ARHGEF37: variants seen among roughly 807,000 people sequenced by gnomAD.
ARHGEF37 encodes Rho guanine nucleotide exchange factor 37, also known as Rho guanine nucleotide exchange factor (GEF) 37.
A neutral mutation model predicts 71.1 loss-of-function variants in ARHGEF37; 55 were observed. That is an observed-to-expected ratio of 0.77 (90% CI 0.62 to 0.97). The LOEUF is 0.97. Among genes scored for constraint, ARHGEF37 ranks in the 50% least tolerant of loss-of-function variants. The pLI is 0.00. For missense variants in ARHGEF37, 765 were observed against 836.8 expected (o/e 0.91, Z 1.06); for synonymous variants, 327 against 350.6 (o/e 0.93, Z 0.75).
intron 10 of ARHGEF37, among the ~76,000 whole-genome samples, chr5:149,626,274 ACACACACACACACG>A (rs1182668040): frequency 6.7e-6 from 1 of 149,270 alleles, no homozygotes; most frequent in Non-Finnish European, 1.5e-5. Context: ...ACACACACAC[ACACACACACACACG>A]CCTCTCTCAA....
chr5:149,581,327 GC>G, upstream of ARHGEF37: 1 of 152,416 alleles, frequency 6.6e-6, no homozygotes, highest in Non-Finnish European at 1.5e-5. Context: ...CGGGTTGGCT[GC>G]CAGCCAGGGC....
intron 1 of ARHGEF37, among the ~76,000 whole-genome samples, chr5:149,588,343 C>T (rs893758107): frequency 6.6e-6 from 1 of 152,116 alleles, no homozygotes; most frequent in Non-Finnish European, 1.5e-5. Context: ...CCATGCCAGG[C>T]TGGAGTGCAG....
intron 10 of ARHGEF37, among the ~76,000 whole-genome samples, chr5:149,625,445 G>A (rs1752657525): frequency 6.6e-6 from 1 of 152,162 alleles, no homozygotes; most frequent in African/African-American, 2.4e-5. Context: ...GAGGGAGAAT[G>A]GGGCCCCAGG....
At chr5:149,629,046 T>C in intron 12 of ARHGEF37, 80 bp downstream of exon 12, 1 of 1,479,228 alleles carries the variant, frequency 6.8e-7, no homozygotes, top group South Asian at 1.3e-5. Context: ...TCTCTCAAAG[T>C]CTATGCCCCT....
intron 1 of ARHGEF37, among the ~76,000 whole-genome samples, chr5:149,560,312 C>T (rs764003803): frequency 2.8e-4 from 42 of 152,086 alleles, no homozygotes; most frequent in Non-Finnish European, 5.9e-4. Flanking sequence ...ACGAGGTTCT[C>T]CATGATGGTC....
At chr5:149,558,211 T>C (rs1256802856) in intron 1 of ARHGEF37, among the ~76,000 whole-genome samples, 1 of 151,896 alleles carries the variant, frequency 6.6e-6, no homozygotes, top group East Asian at 2.0e-4. Flanking sequence ...TTCTTAGAAA[T>C]AGAGACAGGG....
At chr5:149,622,512 A>G (rs1752576462) in intron 9 of ARHGEF37, among the ~76,000 whole-genome samples, 1 of 152,224 alleles carries the variant, frequency 6.6e-6, no homozygotes, top group Non-Finnish European at 1.5e-5. Context: ...CTCTCCATGC[A>G]TGATCTCATT....
intron 1 of ARHGEF37, among the ~76,000 whole-genome samples, chr5:149,558,497 C>T (rs1762782495): frequency 6.6e-6 from 1 of 152,140 alleles, no homozygotes; most frequent in African/African-American, 2.4e-5. Context: ...CAGAGCGAGA[C>T]TCAGTCCCCC....
chr5:149,618,615 C>G (rs1752445317), intron 6 of ARHGEF37, among the ~76,000 whole-genome samples: 1 of 152,244 alleles, frequency 6.6e-6, no homozygotes, highest in South Asian at 2.1e-4. Flanking sequence ...GGAGTGCCTG[C>G]TCTGAAACCA....
chr5:149,617,715 G>A (rs1172350919), intron 5 of ARHGEF37, among the ~76,000 whole-genome samples: 1 of 152,104 alleles, frequency 6.6e-6, no homozygotes, highest in African/African-American at 2.4e-5. Context: ...AGCAGCTTTG[G>A]ATTTCCTCCC....
At chr5:149,566,972 A>G (rs1762906543) in intron 1 of ARHGEF37, among the ~76,000 whole-genome samples, 1 of 152,236 alleles carries the variant, frequency 6.6e-6, no homozygotes, top group East Asian at 1.9e-4. Context: ...AAATCAAGGA[A>G]TTTAATGTTG....
chr5:149,608,650 G>T (rs975244741), intron 3 of ARHGEF37, among the ~76,000 whole-genome samples: 15 of 151,962 alleles, frequency 9.9e-5, no homozygotes, highest in Non-Finnish European at 1.6e-4. Context: ...GATTATAGGC[G>T]TGACCCACCA....
rs150883577 is a variant in ARHGEF37, at chr5:149,569,325, T to C, written c.-12+17202T>C. On this transcript the variant is annotated intron_variant, in intron 1 of 2. Transcript: ENST00000505810. ...TTTTATTTATTTATTTATTTATTTA[T>C]TTTTATTTTTGAGATGGAGGTCTTA... 5.6e-3 allele frequency among the ~76,000 whole-genome samples: 853 copies of C among 151,946 alleles called. 12 individuals carry two copies. Among genetic ancestry groups the C allele is most frequent in the African/African-American group, 0.019 (794 of 41,386 alleles).
At chr5:149,580,357 G>A (rs972424804), upstream of ARHGEF37, among the ~76,000 whole-genome samples, 2 of 152,040 alleles carry the variant, frequency 1.3e-5, no homozygotes, top group East Asian at 3.8e-4. Flanking sequence ...CACCGCGCCC[G>A]GCACCCTTGG....
intron 3 of ARHGEF37, among the ~76,000 whole-genome samples, chr5:149,606,964 G>A (rs1763930382): frequency 6.6e-6 from 1 of 152,184 alleles, no homozygotes; most frequent in Admixed American, 6.5e-5. Flanking sequence ...CGCCCAGGCT[G>A]GAGTGCAGTG....
At chr5:149,612,315 C>T (rs1402146064) in intron 4 of ARHGEF37, among the ~76,000 whole-genome samples, 3 of 152,104 alleles carry the variant, frequency 2.0e-5, no homozygotes, top group African/African-American at 4.8e-5. Flanking sequence ...CTACAGGCGC[C>T]GGCCACCACG....
intron 1 of ARHGEF37, among the ~76,000 whole-genome samples, chr5:149,573,747 T>G (rs1291679807): frequency 6.6e-6 from 1 of 152,240 alleles, no homozygotes; most frequent in East Asian, 1.9e-4. Context: ...AGATTATATA[T>G]GCACCATATA....
intron 1 of ARHGEF37, among the ~76,000 whole-genome samples, chr5:149,597,544 CCA>C (rs1160556957): frequency 6.6e-6 from 1 of 152,166 alleles, no homozygotes; most frequent in Non-Finnish European, 1.5e-5. Context: ...CAGGCATGAG[CCA>C]CCACCTAAAA....
Position 149,632,137 on chromosome 5 carries a change from C to T in ARHGEF37, c.1974C>T (p.Gly658=). 1 of 1,614,274 alleles carries T rather than the reference C, an allele frequency of 6.2e-7. No homozygotes were observed. The highest frequency in any genetic ancestry group is 8.5e-7 in the Non-Finnish European group (1 of 1,180,056). Residue 658 remains glycine (G), a synonymous_variant, in exon 13 of 13, where the codon GGC becomes GGT. Transcript: ENST00000333677. ...GACAGAGGGGTTATGTGCCTTCTGG[C>T]TTCTTGGCCAGGGCTCGGAGCCCAG... ...VNGQRGYVPS[G]FLARARSPVL... is the part of the protein sequence containing the mutation.
Sources: allele counts gnomAD v4.1 joint callset (sites outside exome capture counted in the v4.1 genomes callset), GRCh38; gene constraint gnomAD v4.1.1; transcripts MANE v1.5; gene names NCBI Gene and HGNC (gene_info 2026-07-23, HGNC 2026-07-21).